SARS2: variants seen among roughly 807,000 people sequenced by gnomAD.
The protein encoded by SARS2 is seryl-tRNA synthetase 2, mitochondrial.
SARS2 carries 52 observed loss-of-function variants against 66.8 expected under a neutral mutation model. The ratio of observed to expected loss-of-function variants is 0.78; its 90% CI spans 0.62 to 0.98. The LOEUF (loss-of-function observed/expected upper bound fraction) is 0.98, where lower values mean the gene tolerates loss of function less well. Ranked by LOEUF, SARS2 falls within the 50% of genes least tolerant of loss-of-function variation. The pLI is 0.00. For synonymous variants in SARS2, 306 were observed against 281.4 expected, an observed-to-expected ratio of 1.09 and a Z score of -0.87; for missense variants, 673 against 706.3, an observed-to-expected ratio of 0.95 and a Z score of 0.53.
intron 2 of SARS2, among the ~76,000 whole-genome samples, chr19:38,923,813 A>G: frequency 6.6e-6 from 1 of 152,050 alleles, no homozygotes. Context: ...TACTAAAAAT[A>G]CAGAAAAAAA....
rs1007594530 is a variant in SARS2 at position 38,926,392 on chromosome 19, T to C, written c.268-92A>G. On this transcript the variant is annotated intron_variant, in intron 1 of 15. Transcript: ENST00000221431. ...CTGGCCACCTGGACCTGCGGCGCAG[T>C]GAGGCAGAGATCCCTACCTAGCCCT... The C allele has an allele frequency of 6.8e-6, 8 of 1,172,588 alleles. No homozygotes were observed. The African/African-American group carries it at 1.2e-4, about 18-fold the overall frequency. The allele number at this position is 1,172,588 out of a possible 1,614,324, so 72.6% of individuals were successfully genotyped here.
At chr19:38,918,052 T>C (rs762119532) in intron 10 of SARS2, 42 bp downstream of exon 10, 17 of 1,603,302 alleles carry the variant, frequency 1.1e-5, no homozygotes, top group East Asian at 9.0e-5. Context: ...GGAAGACTGA[T>C]TGTCACAGGT....
Position 38,919,818 on chromosome 19 carries a change from C to T in SARS2, c.703G>A (p.Gly235Arg), listed in dbSNP as rs2144767045. 1 of 1,614,190 alleles carries T rather than the reference C, an allele frequency of 6.2e-7. No homozygotes were observed. The highest frequency in any genetic ancestry group is 2.2e-5 in the East Asian group (1 of 44,882). The stretch of plus-strand genomic sequence containing the variant: ...ACCAGGCCGTGCTGCAGGAGGGCTC[C>T]AGCCCCGCGCAGGTAATAGGACCGG... ...GHRSYYLRGA[G>R]ALLQHGLVNF... is the part of the protein sequence containing the mutation. The change falls in exon 7 of 16, where the codon GGA (glycine) becomes AGA (arginine). Residue 235 changes from glycine (G) to arginine (R), a missense_variant. By Grantham distance (125) the Gly-to-Arg change is moderately radical. Coordinates refer to ENST00000221431, the MANE Select transcript of SARS2 (RefSeq NM_017827.4).
At chr19:38,916,599 C>T (rs1012086599) in intron 12 of SARS2, among the ~76,000 whole-genome samples, 5 of 150,172 alleles carry the variant, frequency 3.3e-5, no homozygotes, top group South Asian at 2.1e-4. Context: ...GAAAAAGGCA[C>T]GTGGCAGGGT....
At chr19:38,915,933 G>T (rs1974405333) in intron 14 of SARS2, 27 bp from the exon 15 acceptor site, 9 of 1,613,260 alleles carry the variant, frequency 5.6e-6, no homozygotes, top group Non-Finnish European at 6.8e-6. Context: ...CTCGGAACTG[G>T]CGCCCACCCC....
intron 1 of SARS2, among the ~76,000 whole-genome samples, chr19:38,929,020 C>T (rs1192606885): frequency 2.0e-5 from 3 of 151,960 alleles, no homozygotes; most frequent in Non-Finnish European, 4.4e-5. Context: ...AGTTCGAGAC[C>T]AGCCTGGCCA....
At chr19:38,930,394 C>A in intron 1 of SARS2, 76 bp downstream of exon 1, 2 of 1,508,840 alleles carry the variant, frequency 1.3e-6, no homozygotes, top group East Asian at 2.3e-5. Context: ...TCGCCCCCTG[C>A]CGGAGGGCAT....
Position 38,921,961 on chromosome 19 carries a change from G to C in SARS2, c.393+277C>G, listed in dbSNP as rs1260490768. 4 of 1,550,218 alleles carry C rather than the reference G, an allele frequency of 2.6e-6. No individual in the cohort carries two copies. In the African/African-American group the frequency reaches 5.5e-5, roughly 21 times the overall value. On this transcript the variant is annotated intron_variant, in intron 3 of 15. Transcript: ENST00000221431. ...AGAATCAGCCCCAGGACTTTAACTGGAACTATCAGGAAAGCGTGCTTGACT... is the reference window on the plus strand; with the variant it reads ...AGAATCAGCCCCAGGACTTTAACTGCAACTATCAGGAAAGCGTGCTTGACT...
chr19:38,915,662 T>C lies in SARS2; in HGVS notation c.1501A>G (p.Ile501Val), dbSNP rs776562420. The change falls in exon 16 of 16, where the codon ATC becomes GTC. Residue 501 changes from isoleucine to valine, a missense_variant. Transcript: ENST00000221431. Reference sequence around the variant, plus strand: ...GGCTTCCGGGGCTGGTTGGGGCCGATGTACTGGAGAGGCACGTGGGTAGGG... The same window carrying C: ...GGCTTCCGGGGCTGGTTGGGGCCGACGTACTGGAGAGGCACGTGGGTAGGG... ...TAPTHVPLQY[I>V]GPNQPRKPGL... The C allele has an allele frequency of 1.5e-5, 24 of 1,613,204 alleles. No individual in the cohort carries two copies. The Admixed American group carries it at 2.3e-4, about 16-fold the overall frequency.
chr19:38,920,841 A>G (rs12975517), intron 5 of SARS2, among the ~76,000 whole-genome samples: 32,328 of 151,836 alleles, frequency 0.21, 4,109 homozygotes, highest in South Asian at 0.35. Flanking sequence ...AGACACAGAG[A>G]AAGACACACA....
chr19:38,928,886 G>A (rs1974675698), intron 1 of SARS2, among the ~76,000 whole-genome samples: 1 of 152,118 alleles, frequency 6.6e-6, no homozygotes, highest in Non-Finnish European at 1.5e-5. Flanking sequence ...AAATTTACCA[G>A]AAATTGTAAT....
In SARS2 at chr19:38,915,313, G is replaced by C. The variant is rs1345740811; in HGVS notation, c.*293C>G. The C allele has an allele frequency of 5.5e-6, 3 of 549,984 alleles. No individual in the cohort carries two copies. The highest frequency in any genetic ancestry group is 6.5e-5 in the Admixed American group (2 of 30,682). 34.1% of individuals were successfully genotyped at this position (549,984 alleles called of 1,614,324 possible). On this transcript the variant is annotated 3_prime_UTR_variant, in exon 16 of 16. Transcript: ENST00000221431. ...GACTTTTTGCTCAGCACTGTAGGAG[G>C]AAAGAAGGAAGGAGGGATGGAAGCC...
intron 14 of SARS2, 55 bp downstream of exon 14, chr19:38,915,982 G>A (rs2144760050): frequency 6.2e-7 from 1 of 1,612,436 alleles, no homozygotes; most frequent in South Asian, 1.1e-5. Context: ...GGTGGGTCTA[G>A]GGCGGCAGAG....
At chr19:38,916,001 C>G in intron 14 of SARS2, 36 bp downstream of exon 14, 1 of 1,612,170 alleles carries the variant, frequency 6.2e-7, no homozygotes, top group Non-Finnish European at 8.5e-7. Context: ...AGGCTGCGGG[C>G]GAGGGCACGC....
chr19:38,927,289 C>T (rs1202068205), intron 1 of SARS2, among the ~76,000 whole-genome samples: 1 of 151,922 alleles, frequency 6.6e-6, no homozygotes, highest in Non-Finnish European at 1.5e-5. Flanking sequence ...GACACCTTGT[C>T]TCAAAAACAA....
intron 1 of SARS2, among the ~76,000 whole-genome samples, chr19:38,929,610 A>G (rs1051055658): frequency 6.6e-6 from 1 of 151,858 alleles, no homozygotes; most frequent in Non-Finnish European, 1.5e-5. Flanking sequence ...AGCACAGGTT[A>G]AAATTCCCAC....
chr19:38,916,670 T>TG (rs1429325937), intron 12 of SARS2, among the ~76,000 whole-genome samples: 1 of 150,502 alleles, frequency 6.6e-6, no homozygotes. Flanking sequence ...CTCGGTTTTT[T>TG]TTTTTTTTTT....
intron 8 of SARS2, 33 bp from the exon 9 acceptor site, chr19:38,918,563 G>GTTACCTGTCCCCT: frequency 6.4e-7 from 1 of 1,551,322 alleles, no homozygotes; most frequent in Non-Finnish European, 8.9e-7. Flanking sequence ...AGGGATCAGG[G>GTTACCTGTCCCCT]GACAGGTAAC....
At chr19:38,926,365 C>T in intron 1 of SARS2, 65 bp from the exon 2 acceptor site, 1 of 1,482,310 alleles carries the variant, frequency 6.7e-7, no homozygotes, top group Non-Finnish European at 9.3e-7. Context: ...CTCTGGAGCC[C>T]ACTGGCCACC....
Sources: allele counts gnomAD v4.1 joint callset (sites outside exome capture counted in the v4.1 genomes callset), GRCh38; gene constraint gnomAD v4.1.1; transcripts MANE v1.5; gene names NCBI Gene and HGNC (gene_info 2026-07-23, HGNC 2026-07-21).